The following KCNQ5 variants were observed in gnomAD, a reference collection of about 807,000 sequenced individuals.
The protein encoded by KCNQ5 is potassium voltage-gated channel subfamily KQT member 5.
In KCNQ5, 30 loss-of-function variants were observed where a neutral mutation model predicts 98.2. The ratio of observed to expected loss-of-function variants is 0.31; its 90% CI spans 0.23 to 0.41. The LOEUF (loss-of-function observed/expected upper bound fraction) is 0.41. Among genes scored for constraint, KCNQ5 ranks in the 10% least tolerant of loss-of-function variants. KCNQ5 has a pLI of 1.00. For missense variants in KCNQ5, 835 were observed against 1,182.5 expected (o/e 0.71, Z 4.31); for synonymous variants, 458 against 449.4 (o/e 1.02, Z -0.24).
chr6:73,110,173 T>C (rs1264413636), intron 6 of KCNQ5, among the ~76,000 whole-genome samples: 7 of 152,196 alleles, frequency 4.6e-5, no homozygotes, highest in Admixed American at 2.6e-4. Flanking sequence ...TTAGTGCTTA[T>C]AAAATGTCCA....
At chr6:73,119,048 T>C (rs2150437106) in intron 7 of KCNQ5, among the ~76,000 whole-genome samples, 1 of 152,216 alleles carries the variant, frequency 6.6e-6, no homozygotes, top group African/African-American at 2.4e-5. Context: ...ATAAATAGGT[T>C]TGTCACATAA....
intron 1 of KCNQ5, among the ~76,000 whole-genome samples, chr6:72,687,745 CTAGGAAAAAGAAATGAAA>C (rs1431502526): frequency 6.6e-6 from 1 of 151,432 alleles, no homozygotes; most frequent in Non-Finnish European, 1.5e-5. Flanking sequence ...TTGGCTTTTT[CTAGGAAAAAGAAATGAAA>C]TATTTTTCCT....
chr6:72,724,746 C>T (rs990258102), intron 1 of KCNQ5, among the ~76,000 whole-genome samples: 7 of 152,116 alleles, frequency 4.6e-5, no homozygotes, highest in African/African-American at 1.7e-4. Flanking sequence ...TGAATGAAGC[C>T]CACATTACTT....
At chr6:72,821,284 C>T (rs1189839420) in intron 1 of KCNQ5, among the ~76,000 whole-genome samples, 1 of 152,192 alleles carries the variant, frequency 6.6e-6, no homozygotes, top group African/African-American at 2.4e-5. Flanking sequence ...ATTTCATACA[C>T]TCCAACTGTC....
At chr6:73,189,995 C>CAAA (rs56943530) in intron 11 of KCNQ5, among the ~76,000 whole-genome samples, 2 of 113,208 alleles carry the variant, frequency 1.8e-5, no homozygotes, top group Admixed American at 9.5e-5. Flanking sequence ...GACCTCATCT[C>CAAA]AAAAAAAAAA....
chr6:73,008,882 C>A (rs1299351164), intron 2 of KCNQ5, among the ~76,000 whole-genome samples: 1 of 152,122 alleles, frequency 6.6e-6, no homozygotes, highest in East Asian at 1.9e-4. Flanking sequence ...GGATACCACA[C>A]AAAGATGGAT....
At chr6:72,983,889 C>CTAT (rs1768605005) in intron 1 of KCNQ5, among the ~76,000 whole-genome samples, 2 of 152,120 alleles carry the variant, frequency 1.3e-5, no homozygotes, top group African/African-American at 4.8e-5. Flanking sequence ...GATGTTCATG[C>CTAT]TATTCCTTTC....
intron 1 of KCNQ5, among the ~76,000 whole-genome samples, chr6:72,735,820 A>G (rs1472370188): frequency 6.6e-6 from 1 of 152,068 alleles, no homozygotes; most frequent in Non-Finnish European, 1.5e-5. Flanking sequence ...TCTAATTTGT[A>G]TAAAGGCTTT....
At chr6:72,632,646 T>C (rs1163256743) in intron 1 of KCNQ5, among the ~76,000 whole-genome samples, 1 of 152,170 alleles carries the variant, frequency 6.6e-6, no homozygotes, top group Non-Finnish European at 1.5e-5. Flanking sequence ...GTGCTTAGTA[T>C]TTATCTTCAC....
chr6:73,159,396 T>C (rs777003769), intron 10 of KCNQ5, among the ~76,000 whole-genome samples: 2 of 152,202 alleles, frequency 1.3e-5, no homozygotes, highest in Non-Finnish European at 2.9e-5. Context: ...AACTGTTGGA[T>C]AGTTCCTGGG....
In KCNQ5 at chr6:72,953,592, C is replaced by T. The variant is rs75306632; in HGVS notation, c.399-50316C>T. Among the ~76,000 whole-genome samples, 820 of 152,324 alleles carry T rather than the reference C, an allele frequency of 5.4e-3. 4 individuals are homozygous for T. Among genetic ancestry groups the T allele is most frequent in the Admixed American group, 8.9e-3 (136 of 15,294 alleles). ...AGCTCCTCTCTTAAGGCAGCCCCCA[C>T]CAATCCCTGCTGCCCCCTTTAAAAT... is the stretch of plus-strand genomic sequence containing the variant. On this transcript the variant is annotated intron_variant, in intron 1 of 13. Transcript: ENST00000370398.
At chr6:72,883,823 C>A (rs1778748097) in intron 1 of KCNQ5, among the ~76,000 whole-genome samples, 2 of 152,048 alleles carry the variant, frequency 1.3e-5, no homozygotes, top group Admixed American at 1.3e-4. Context: ...ACAAAGAATA[C>A]AAAAAGTAGG....
intron 1 of KCNQ5, among the ~76,000 whole-genome samples, chr6:72,799,744 T>C (rs1401077632): frequency 6.6e-6 from 1 of 152,194 alleles, no homozygotes; most frequent in Non-Finnish European, 1.5e-5. Context: ...GCAGTCCTGT[T>C]CTTGAATGAG....
At chr6:73,162,349 C>T (rs1409866513) in intron 10 of KCNQ5, among the ~76,000 whole-genome samples, 2 of 152,204 alleles carry the variant, frequency 1.3e-5, no homozygotes, top group East Asian at 3.8e-4. Context: ...ATTTATTTTT[C>T]TCCCTAATGC....
At chr6:72,642,587 T>C (rs1765377990) in intron 1 of KCNQ5, among the ~76,000 whole-genome samples, 1 of 152,174 alleles carries the variant, frequency 6.6e-6, no homozygotes, top group Non-Finnish European at 1.5e-5. Flanking sequence ...AGAATGGCTA[T>C]TGTTAAAATG....
chr6:73,192,542 C>G (rs1480874115), intron 12 of KCNQ5, 23 bp from the exon 13 acceptor site: 1 of 1,587,912 alleles, frequency 6.3e-7, no homozygotes, highest in Non-Finnish European at 8.6e-7. Flanking sequence ...CCCTCATAAT[C>G]AGATCTCCTC....
chr6:72,780,886 T>C (rs75589317), intron 1 of KCNQ5, among the ~76,000 whole-genome samples: 4,913 of 152,190 alleles, frequency 0.032, 257 homozygotes, highest in African/African-American at 0.11. Context: ...GATTCAGCAA[T>C]TTAATCATAG....
chr6:73,175,310 C>G (rs1416150855), intron 11 of KCNQ5, among the ~76,000 whole-genome samples: 1 of 152,148 alleles, frequency 6.6e-6, no homozygotes, highest in Non-Finnish European at 1.5e-5. Context: ...ACGACCATGA[C>G]TGGCTAATTT....
chr6:72,848,016 TA>T lies in KCNQ5; in HGVS notation c.399-155881del, dbSNP rs60827908. 7.1e-3 allele frequency among the ~76,000 whole-genome samples: 1,028 copies of T among 145,718 alleles called. 15 individuals carry two copies. Among genetic ancestry groups the T allele is most frequent in the African/African-American group, 0.022 (873 of 40,228 alleles). On this transcript the variant is annotated intron_variant, in intron 1 of 13. Coordinates refer to ENST00000370398, the MANE Select transcript of KCNQ5 (RefSeq NM_019842.4). ...GCATTGTATCTCCATCCAGAAAAGC[TA>T]AAAAAAAAAACTCCCAATGAAAAGC...
Sources: allele counts gnomAD v4.1 joint callset (sites outside exome capture counted in the v4.1 genomes callset), GRCh38; gene constraint gnomAD v4.1.1; transcripts MANE v1.5; gene names NCBI Gene and HGNC (gene_info 2026-07-23, HGNC 2026-07-21).